Variants in CALCRL observed in about 807,000 individuals in gnomAD.
CALCRL encodes calcitonin gene-related peptide type 1 receptor.
Under a neutral mutation model 60.4 loss-of-function variants are expected in CALCRL, and 27 were observed. The ratio of observed to expected loss-of-function variants is 0.45; its 90% CI spans 0.33 to 0.62. The LOEUF (loss-of-function observed/expected upper bound fraction) is 0.62. Ranked by LOEUF, CALCRL falls within the 20% of genes least tolerant of loss-of-function variation. The pLI is 0.03. For missense variants in CALCRL, 424 were observed against 540.7 expected (o/e 0.78, Z 2.14); for synonymous variants, 190 against 182.6 (o/e 1.04, Z -0.33).
At chr2:187,355,825 C>G (rs1686753620) in intron 12 of CALCRL, among the ~76,000 whole-genome samples, 1 of 151,988 alleles carries the variant, frequency 6.6e-6, no homozygotes, top group South Asian at 2.1e-4. Flanking sequence ...AATCAATGTG[C>G]AAAAATCACA....
chr2:187,433,743 C>T (rs1373521415), intron 1 of CALCRL, among the ~76,000 whole-genome samples: 1 of 151,888 alleles, frequency 6.6e-6, no homozygotes, highest in Non-Finnish European at 1.5e-5. Context: ...TGAAATATAA[C>T]AACTTATCTG....
At chr2:187,408,094 A>G (rs544484548) in intron 1 of CALCRL, among the ~76,000 whole-genome samples, 13 of 152,126 alleles carry the variant, frequency 8.5e-5, no homozygotes, top group African/African-American at 3.1e-4. Context: ...CTTTAATTCT[A>G]TCATTCTGAG....
Position 187,344,648 on chromosome 2 carries a change from CAAT to C in CALCRL, c.*1533_*1535del, listed in dbSNP as rs1386464470. ...GTAAGATCTGACAATAATTTTTTCT[CAAT>C]GATATATTCAAGTATTTCCCTAATT... On this transcript the variant is annotated 3_prime_UTR_variant, in exon 15 of 15. Coordinates refer to ENST00000392370, the MANE Select transcript of CALCRL (RefSeq NM_005795.6). 2.6e-5 allele frequency: 4 copies of C among 151,544 alleles called. No homozygotes were observed. Among genetic ancestry groups the C allele is most frequent in the African/African-American group, 9.7e-5 (4 of 41,382 alleles). 9.4% of individuals were successfully genotyped at this position (151,544 alleles called of 1,614,324 possible).
chr2:187,430,516 T>C (rs1443935276), intron 1 of CALCRL, among the ~76,000 whole-genome samples: 1 of 152,150 alleles, frequency 6.6e-6, no homozygotes, highest in African/African-American at 2.4e-5. Context: ...ATTAATTGCA[T>C]AATTAATATT....
intron 1 of CALCRL, among the ~76,000 whole-genome samples, chr2:187,402,797 G>T (rs1482644125): frequency 6.6e-6 from 1 of 151,732 alleles, no homozygotes; most frequent in Non-Finnish European, 1.5e-5. Flanking sequence ...CCATATATTT[G>T]CTAATGCTGT....
At chr2:187,370,764 C>T (rs1397703485) in intron 8 of CALCRL, among the ~76,000 whole-genome samples, 2 of 152,134 alleles carry the variant, frequency 1.3e-5, no homozygotes, top group East Asian at 3.9e-4. Context: ...GCATTCAAAC[C>T]GTATACTTTA....
chr2:187,354,792 T>C (rs1686700593), intron 12 of CALCRL, among the ~76,000 whole-genome samples: 1 of 152,208 alleles, frequency 6.6e-6, no homozygotes, highest in East Asian at 1.9e-4. Flanking sequence ...AAAGTTTACA[T>C]GAACAGATGT....
Position 187,356,821 on chromosome 2 carries a change from C to T in CALCRL, c.909+2242G>A, listed in dbSNP as rs529279077. Among the ~76,000 whole-genome samples, 24 of 152,172 alleles carry T rather than the reference C, an allele frequency of 1.6e-4. 1 individual carries two copies. Among genetic ancestry groups the T allele is most frequent in the South Asian group, 4.2e-4 (2 of 4,812 alleles). On this transcript the variant is annotated intron_variant, in intron 12 of 14. Transcript: ENST00000392370. ...AAATTTACAAGAAATAAACAATCAA[C>T]GCCATCAAAAAGTGGGCAAATGATA...
chr2:187,390,656 A>T (rs1688397978), intron 1 of CALCRL, among the ~76,000 whole-genome samples: 1 of 152,150 alleles, frequency 6.6e-6, no homozygotes, highest in Admixed American at 6.6e-5. Flanking sequence ...AACTCACAAA[A>T]TATTTATTAA....
In CALCRL at chr2:187,407,413, CAAAG is replaced by C. The variant is rs369036688; in HGVS notation, c.-292-19661_-292-19658del. Among the ~76,000 whole-genome samples the C allele has an allele frequency of 3.4e-3, 513 of 152,060 alleles. 1 individual carries two copies. Among genetic ancestry groups the C allele is most frequent in the African/African-American group, 0.012 (495 of 41,488 alleles). On this transcript the variant is annotated intron_variant, in intron 1 of 14. Coordinates refer to ENST00000392370, the MANE Select transcript of CALCRL (RefSeq NM_005795.6). ...AATAAGGAAAAGCACTTGAACTACT[CAAAG>C]GAAGTGTTTTCTCACATTTTTGAAG...
intron 1 of CALCRL, among the ~76,000 whole-genome samples, chr2:187,387,998 A>G (rs1052863285): frequency 2.6e-5 from 4 of 152,234 alleles, no homozygotes; most frequent in African/African-American, 9.6e-5. Flanking sequence ...CTTGGTCTAG[A>G]AATGTACATA....
chr2:187,412,428 C>T lies in CALCRL; in HGVS notation c.-292-24672G>A, dbSNP rs748701072. ...TCATTATGGCATCTGACTTGGGCAA[C>T]CTTTGCAAATTCGCTTATCTCTCTG... On this transcript the variant is annotated intron_variant, in intron 1 of 14. Coordinates refer to ENST00000392370, the MANE Select transcript of CALCRL (RefSeq NM_005795.6). 3.3e-5 allele frequency among the ~76,000 whole-genome samples: 5 copies of T among 152,266 alleles called. 1 individual carries two copies. The highest frequency in any genetic ancestry group is 4.8e-5 in the African/African-American group (2 of 41,554).
intron 1 of CALCRL, among the ~76,000 whole-genome samples, chr2:187,442,898 T>C (rs1690984387): frequency 6.6e-6 from 1 of 151,896 alleles, no homozygotes; most frequent in African/African-American, 2.4e-5. Context: ...TAATAGATAA[T>C]ACACAATAGT....
At chr2:187,381,163 A>G (rs6706141) in intron 5 of CALCRL, among the ~76,000 whole-genome samples, 44,248 of 151,914 alleles carry the variant, frequency 0.29, 6,807 homozygotes, top group Non-Finnish European at 0.33. Flanking sequence ...GTTTAATTTT[A>G]GAAACTGTAT....
intron 1 of CALCRL, among the ~76,000 whole-genome samples, chr2:187,423,428 A>G (rs1689976254): frequency 6.6e-6 from 1 of 151,826 alleles, no homozygotes; most frequent in African/African-American, 2.4e-5. Context: ...TCAAATATGT[A>G]GAATCTGAGA....
chr2:187,404,096 T>C (rs1559064002), intron 1 of CALCRL, among the ~76,000 whole-genome samples: 1 of 151,908 alleles, frequency 6.6e-6, no homozygotes, highest in Non-Finnish European at 1.5e-5. Flanking sequence ...CTTTCTTTCC[T>C]GCTAAATTGT....
rs73979874 is a variant in CALCRL at position 187,369,128 on chromosome 2, C to A, written c.501-5626G>T. Reference sequence around the variant, plus strand: ...TCCATTATGCTCCCTCTTCCCATGCCCTTGGGCTGCTTATTTAATGAAATA... The same window carrying A: ...TCCATTATGCTCCCTCTTCCCATGCACTTGGGCTGCTTATTTAATGAAATA... On this transcript the variant is annotated intron_variant, in intron 8 of 14. Transcript: ENST00000392370. Among the ~76,000 whole-genome samples, 174 of 152,164 alleles carry A rather than the reference C, an allele frequency of 1.1e-3. 2 individuals are homozygous for A. The highest frequency in any genetic ancestry group is 4.0e-3 in the African/African-American group (165 of 41,528).
chr2:187,429,392 A>G (rs1248725020), intron 1 of CALCRL, among the ~76,000 whole-genome samples: 1 of 152,170 alleles, frequency 6.6e-6, no homozygotes, highest in Non-Finnish European at 1.5e-5. Context: ...AGAACTTCAG[A>G]GCTGGGATGG....
chr2:187,385,402 G>A (rs754353269), intron 4 of CALCRL, 143 bp downstream of exon 4: 26 of 556,126 alleles, frequency 4.7e-5, no homozygotes, highest in African/African-American at 7.8e-5. Context: ...AGCATACACC[G>A]AATGAAAACA....
Sources: gnomAD v4.1 joint callset for allele counts (sites outside exome capture counted in the v4.1 genomes callset) on GRCh38, gnomAD v4.1.1 for gene constraint, MANE v1.5 for transcripts, NCBI Gene and HGNC (gene_info 2026-07-23, HGNC 2026-07-21) for gene names.